The following SLC5A11 variants were observed in gnomAD, a reference collection of about 807,000 sequenced individuals.
The protein encoded by SLC5A11 is solute carrier family 5 member 11, also known as sodium/myo-inositol cotransporter 2.
SLC5A11 carries 48 observed loss-of-function variants against 69.8 expected under a neutral mutation model. The ratio of observed to expected loss-of-function variants is 0.69; its 90% CI spans 0.55 to 0.87. The LOEUF (loss-of-function observed/expected upper bound fraction) is 0.87, where lower values mean the gene tolerates loss of function less well. SLC5A11 is among the 40% of genes least tolerant of loss of function. The pLI is 0.00. For synonymous variants in SLC5A11, 319 were observed against 342.4 expected (o/e 0.93, Z 0.75); for missense variants, 784 against 866.1 (o/e 0.91, Z 1.19).
chr16:24,888,963 A>T (rs983343129), intron 8 of SLC5A11, among the ~76,000 whole-genome samples: 3 of 149,304 alleles, frequency 2.0e-5, no homozygotes, highest in Non-Finnish European at 4.4e-5. Context: ...TGCCTGGTTA[A>T]TTTTTCTATT....
intron 9 of SLC5A11, among the ~76,000 whole-genome samples, chr16:24,896,722 G>A (rs1178375333): frequency 3.3e-5 from 5 of 152,098 alleles, no homozygotes; most frequent in Non-Finnish European, 1.5e-5. Flanking sequence ...GGTCAGATAG[G>A]CGGGAAGTGG....
intron 7 of SLC5A11, 85 bp from the exon 9 acceptor site, chr16:24,883,966 C>G (rs2048217489): frequency 7.8e-7 from 1 of 1,282,306 alleles, no homozygotes; most frequent in South Asian, 1.3e-5. Context: ...CCATCGGGTC[C>G]TGGCCTTCCA....
At chr16:24,849,584 A>AT (rs1433009364) in intron 1 of SLC5A11, among the ~76,000 whole-genome samples, 56 of 112,084 alleles carry the variant, frequency 5.0e-4, no homozygotes, top group Non-Finnish European at 8.4e-4. Context: ...AAAAAAAAAA[A>AT]AAAAAAAAAA....
chr16:24,864,172 C>T (rs893474070), intron 3 of SLC5A11, among the ~76,000 whole-genome samples: 3 of 152,096 alleles, frequency 2.0e-5, no homozygotes, highest in Non-Finnish European at 4.4e-5. Flanking sequence ...TCTAGAAGGC[C>T]ATGTGCATAG....
intron 10 of SLC5A11, among the ~76,000 whole-genome samples, chr16:24,898,662 G>A (rs750790419): frequency 6.6e-6 from 1 of 152,044 alleles, no homozygotes; most frequent in East Asian, 1.9e-4. Flanking sequence ...GGGACTACAG[G>A]TGCCCGTCAC....
In SLC5A11 at chr16:24,910,490, T is replaced by G; in HGVS notation, c.1822+13T>G. On this transcript the variant is annotated intron_variant, in intron 15 of 15. Coordinates refer to ENST00000347898, the Ensembl canonical transcript of SLC5A11. ...AAAACCCACAGCTGTGAGTAGCTTC[T>G]CTCCTCAGTTACAGCAAGAAGGAGT... 6.2e-7 allele frequency: 1 copy of G among 1,612,632 alleles called. No individual in the cohort carries two copies. The highest frequency in any genetic ancestry group is 8.5e-7 in the Non-Finnish European group (1 of 1,179,558).
intron 7 of SLC5A11, among the ~76,000 whole-genome samples, chr16:24,878,393 T>A (rs1183572068): frequency 1.3e-5 from 2 of 152,194 alleles, no homozygotes; most frequent in Admixed American, 6.5e-5. Context: ...AGTAGGGCCT[T>A]GAGAAGTACC....
chr16:24,868,318 T>C (rs1014821724), intron 3 of SLC5A11, among the ~76,000 whole-genome samples: 15 of 147,128 alleles, frequency 1.0e-4, no homozygotes, highest in Admixed American at 3.4e-4. Context: ...AGGCCAGGTG[T>C]GGTGGCTCAT....
intron 7 of SLC5A11, among the ~76,000 whole-genome samples, chr16:24,882,513 A>G (rs1391475804): frequency 3.3e-5 from 5 of 152,132 alleles, no homozygotes; most frequent in Admixed American, 1.3e-4. Flanking sequence ...TCTAGTAGAC[A>G]TGTTTCTATT....
At chr16:24,872,026 T>C (rs1258479563) in intron 4 of SLC5A11, 134 bp from the exon 6 acceptor site, 3 of 980,922 alleles carry the variant, frequency 3.1e-6, no homozygotes, top group Non-Finnish European at 4.9e-6. Flanking sequence ...CCAGCACAGG[T>C]GAACCACTCA....
intron 8 of SLC5A11, among the ~76,000 whole-genome samples, chr16:24,888,479 T>TA (rs1491559013): frequency 4.5e-5 from 2 of 44,608 alleles, no homozygotes; most frequent in African/African-American, 2.2e-4. Flanking sequence ...TATCTATTTC[T>TA]TTTTTTTTTT....
chr16:24,894,691 C>A (rs1751491431), intron 9 of SLC5A11, among the ~76,000 whole-genome samples: 1 of 152,132 alleles, frequency 6.6e-6, no homozygotes, highest in African/African-American at 2.4e-5. Context: ...GTCCCAGCTA[C>A]TTGGAAGGCT....
chr16:24,898,923 C>A (rs1454558319), intron 10 of SLC5A11, among the ~76,000 whole-genome samples: 1 of 151,898 alleles, frequency 6.6e-6, no homozygotes, highest in Non-Finnish European at 1.5e-5. Flanking sequence ...CTGAAGGGAT[C>A]CTTTCGCCTC....
intron 1 of SLC5A11, among the ~76,000 whole-genome samples, chr16:24,852,522 G>A (rs2059355432): frequency 2.0e-5 from 3 of 152,050 alleles, no homozygotes; most frequent in East Asian, 1.9e-4. Context: ...AATCCTCCCC[G>A]CGGGCACAGG....
chr16:24,896,942 CTTTTTTTT>C lies in SLC5A11; in HGVS notation c.871-1011_871-1004del, dbSNP rs869210839. Among the ~76,000 whole-genome samples the C allele has an allele frequency of 6.2e-5, 6 of 97,100 alleles. No homozygotes were observed. The East Asian group carries it at 9.2e-4, about 15-fold the overall frequency. 63.7% of individuals were successfully genotyped at this position (97,100 alleles called of 152,430 possible). ...CACCAGGAGTTAGACAACCTCCTTC[CTTTTTTTT>C]TTTTTTTTTTTTTTTTTTTTGAGAC... is the stretch of plus-strand genomic sequence containing the variant. On this transcript the variant is annotated intron_variant, in intron 9 of 15. Coordinates refer to ENST00000347898, the Ensembl canonical transcript of SLC5A11.
chr16:24,907,203 C>T (rs762887290), intron 12 of SLC5A11, 28 bp downstream of exon 13: 1 of 1,611,886 alleles, frequency 6.2e-7, no homozygotes, highest in Non-Finnish European at 8.5e-7. Context: ...GGGGCTGGGG[C>T]AGGGGGAAGA....
chr16:24,907,549 T>C (rs1241095742), intron 12 of SLC5A11, among the ~76,000 whole-genome samples: 1 of 151,846 alleles, frequency 6.6e-6, no homozygotes, highest in Non-Finnish European at 1.5e-5. Flanking sequence ...TCATCTCTAC[T>C]AAAAATACAA....
chr16:24,857,803 A>C (rs2059598583), intron 1 of SLC5A11, among the ~76,000 whole-genome samples: 2 of 152,178 alleles, frequency 1.3e-5, no homozygotes, highest in Admixed American at 1.3e-4. Flanking sequence ...TTTATCTGCA[A>C]ACTTAATTGT....
At chr16:24,875,872 T>G (rs2152317038) in intron 6 of SLC5A11, 141 bp downstream of exon 7, 1 of 719,398 alleles carries the variant, frequency 1.4e-6, no homozygotes, top group African/African-American at 1.8e-5. Context: ...GAAGATGGCA[T>G]GGGGGGAGGT....
Sources: allele counts gnomAD v4.1 joint callset (sites outside exome capture counted in the v4.1 genomes callset), GRCh38; gene constraint gnomAD v4.1.1; transcripts MANE v1.5; gene names NCBI Gene and HGNC (gene_info 2026-07-23, HGNC 2026-07-21).